The following DSCAML1 variants were observed in gnomAD, a reference collection of about 807,000 sequenced individuals.
The protein encoded by DSCAML1 is DS cell adhesion molecule like 1, also known as cell adhesion molecule DSCAML1.
In DSCAML1, 38 loss-of-function variants were observed where a neutral mutation model predicts 200.5. That is an observed-to-expected ratio of 0.19 (90% confidence interval 0.15 to 0.25). The LOEUF (loss-of-function observed/expected upper bound fraction) is 0.25. DSCAML1 is among the 10% of genes least tolerant of loss of function. DSCAML1 has a pLI of 1.00. For missense variants in DSCAML1, 2,223 were observed against 2,858.8 expected (o/e 0.78, Z 5.07); for synonymous variants, 1,215 against 1,165.0 (o/e 1.04, Z -0.87).
chr11:117,471,512 CAT>C (rs2048685243), intron 15 of DSCAML1, among the ~76,000 whole-genome samples: 1 of 152,168 alleles, frequency 6.6e-6, no homozygotes, highest in Non-Finnish European at 1.5e-5. Flanking sequence ...CAAAAGAAAA[CAT>C]AGCAAGATAA....
chr11:117,488,869 A>G (rs2049133612), intron 11 of DSCAML1, among the ~76,000 whole-genome samples: 2 of 152,196 alleles, frequency 1.3e-5, no homozygotes, highest in South Asian at 4.1e-4. Context: ...TGAGGTAGGC[A>G]CTGTTATTAT....
rs570414093 is a variant in DSCAML1 at position 117,815,275 on chromosome 11, G to A, written c.-250+2115C>T. On this transcript the variant is annotated intron_variant, in intron 1 of 2. Transcript: ENST00000525836. Reference sequence around the variant, plus strand: ...CCCTGAAAAGTCACAGCTCCTTGACGTGTGAGCTGAAGCTTGGGACTTTTG... The same window carrying A: ...CCCTGAAAAGTCACAGCTCCTTGACATGTGAGCTGAAGCTTGGGACTTTTG... 6.9e-4 allele frequency among the ~76,000 whole-genome samples: 105 copies of A among 152,334 alleles called. 1 individual carries two copies. Among genetic ancestry groups the A allele is most frequent in the South Asian group, 2.1e-4 (1 of 4,828 alleles).
At chr11:117,769,285 ATTT>A (rs1425102479) in intron 3 of DSCAML1, among the ~76,000 whole-genome samples, 2 of 2,634 alleles carry the variant, frequency 7.6e-4, no homozygotes, top group Admixed American at 0.016. Context: ...TATATTATAT[ATTT>A]TATATATTTA....
chr11:117,797,328 G>C, upstream of DSCAML1: 1 of 1,263,262 alleles, frequency 7.9e-7, no homozygotes, highest in Non-Finnish European at 1.0e-6. Context: ...AGCGCCGCGC[G>C]AGCCCGGAGC....
intron 16 of DSCAML1, among the ~76,000 whole-genome samples, chr11:117,466,403 C>T (rs1472051426): frequency 3.3e-5 from 5 of 152,154 alleles, no homozygotes; most frequent in African/African-American, 1.2e-4. Flanking sequence ...TAGTCAAAAT[C>T]AGAAGAAAAT....
At chr11:117,640,475 T>C (rs994056647) in intron 3 of DSCAML1, among the ~76,000 whole-genome samples, 1 of 152,232 alleles carries the variant, frequency 6.6e-6, no homozygotes, top group African/African-American at 2.4e-5. Context: ...GCAAGTGTCA[T>C]AGTCAGGACT....
intron 20 of DSCAML1, among the ~76,000 whole-genome samples, chr11:117,447,046 T>G (rs1366851821): frequency 1.3e-5 from 2 of 152,122 alleles, no homozygotes; most frequent in Non-Finnish European, 2.9e-5. Context: ...TCCCAGCACT[T>G]TGGGAGGCTG....
intron 18 of DSCAML1, among the ~76,000 whole-genome samples, chr11:117,459,953 G>A (rs949138): frequency 0.81 from 123,139 of 152,252 alleles, 50,070 homozygotes; most frequent in Non-Finnish European, 0.84. Context: ...GAGGACCCTC[G>A]GAGGTCAGAG....
rs571601860 is a variant in DSCAML1 at position 117,710,343 on chromosome 11, G to C, written c.511+66448C>G. 6.6e-5 allele frequency among the ~76,000 whole-genome samples: 10 copies of C among 152,278 alleles called. No individual in the cohort carries two copies. In the East Asian group the frequency reaches 1.9e-3, roughly 29 times the overall value. On this transcript the variant is annotated intron_variant, in intron 3 of 32. Coordinates refer to ENST00000651296, the MANE Select transcript of DSCAML1 (RefSeq NM_020693.4). ...TTATTTTACAATACTCTATTCCTCA[G>C]AGTATTTTTACCACCCAAAACCCTC...
At chr11:117,811,713 TGA>T (rs2055762461) in intron 1 of DSCAML1, among the ~76,000 whole-genome samples, 2 of 152,314 alleles carry the variant, frequency 1.3e-5, no homozygotes, top group African/African-American at 4.8e-5. Context: ...CAAGGCTCCC[TGA>T]CTGACTCCTT....
chr11:117,464,858 G>A, intron 17 of DSCAML1, 84 bp downstream of exon 17: 1 of 1,558,008 alleles, frequency 6.4e-7, no homozygotes, highest in South Asian at 1.2e-5. Context: ...GGGGCAAACA[G>A]AGGGACCCAC....
chr11:117,745,499 G>A (rs1006779641), intron 3 of DSCAML1, among the ~76,000 whole-genome samples: 1 of 152,162 alleles, frequency 6.6e-6, no homozygotes, highest in Non-Finnish European at 1.5e-5. Flanking sequence ...CCATGCAGGT[G>A]GTCAGCACTG....
chr11:117,469,541 G>T lies in DSCAML1; in HGVS notation c.3024+369C>A, dbSNP rs1359651946. Among the ~76,000 whole-genome samples the T allele has an allele frequency of 2.0e-5, 3 of 152,128 alleles. No homozygotes were observed. The highest frequency in any genetic ancestry group is 7.2e-5 in the African/African-American group (3 of 41,410). On this transcript the variant is annotated intron_variant, in intron 16 of 32. Transcript: ENST00000651296. This position sits in a 1 kb window ranked among gnomAD's most constrained non-coding sequence, Gnocchi z 4.1. ...GGCAGTTGTTTTCATGCTGATGTTA[G>T]AAAGGAGGAACTTGGCACAAAATCA...
chr11:117,737,393 G>C (rs991329236), intron 3 of DSCAML1, among the ~76,000 whole-genome samples: 2 of 152,312 alleles, frequency 1.3e-5, no homozygotes, highest in Middle Eastern at 3.4e-3. Context: ...AGATCAGCAA[G>C]CATACAGTGC....
At chr11:117,670,616 C>G (rs570008112) in intron 3 of DSCAML1, among the ~76,000 whole-genome samples, 33 of 152,254 alleles carry the variant, frequency 2.2e-4, no homozygotes, top group Admixed American at 1.8e-3. Context: ...TCAGCTGAGG[C>G]TATTGTCAGA....
At chr11:117,432,769 G>A (rs989698456) in intron 29 of DSCAML1, among the ~76,000 whole-genome samples, 1 of 135,470 alleles carries the variant, frequency 7.4e-6, no homozygotes, top group South Asian at 2.4e-4. Context: ...TGTCATGCCT[G>A]GCTATTTTTT....
intron 1 of DSCAML1, among the ~76,000 whole-genome samples, chr11:117,809,960 CTCACACAT>C (rs1350445388): frequency 7.3e-6 from 1 of 136,992 alleles, no homozygotes; most frequent in Non-Finnish European, 1.6e-5. Flanking sequence ...CATTCACACA[CTCACACAT>C]TCACACACAC....
intron 1 of DSCAML1, among the ~76,000 whole-genome samples, chr11:117,805,450 G>A (rs1319221001): frequency 6.6e-6 from 1 of 152,214 alleles, no homozygotes; most frequent in Non-Finnish European, 1.5e-5. Flanking sequence ...TCATGAGAAG[G>A]TAATAGGTAA....
At chr11:117,633,097 C>T in intron 3 of DSCAML1, among the ~76,000 whole-genome samples, 1 of 152,172 alleles carries the variant, frequency 6.6e-6, no homozygotes, top group African/African-American at 2.4e-5. Context: ...TAGCACAAAG[C>T]CAGGTCTCTT....
Sources: gnomAD v4.1 joint callset for allele counts (sites outside exome capture counted in the v4.1 genomes callset) on GRCh38, gnomAD v4.1.1 for gene constraint, Gnocchi (gnomAD v3.1) non-coding constraint, MANE v1.5 for transcripts, NCBI Gene and HGNC (gene_info 2026-07-23, HGNC 2026-07-21) for gene names.